Variants in BICC1 observed in about 807,000 individuals in gnomAD.
BICC1 encodes the protein BicC family RNA binding protein 1, also known as protein bicaudal C homolog 1.
BICC1 carries 43 observed loss-of-function variants against 111.0 expected under a neutral mutation model. That is an observed-to-expected ratio of 0.39 (90% confidence interval 0.30 to 0.50). The LOEUF (loss-of-function observed/expected upper bound fraction) is 0.50. Ranked by LOEUF, BICC1 falls within the 20% of genes least tolerant of loss-of-function variation. The probability of loss-of-function intolerance (pLI) is 0.88; values close to 1 mark genes in which losing one functional copy is unlikely to be tolerated. For missense variants in BICC1, 1,091 were observed against 1,203.2 expected (o/e 0.91, Z 1.38); for synonymous variants, 467 against 434.4 (o/e 1.07, Z -0.93).
At chr10:58,787,998 T>A (rs1276696980) in intron 5 of BICC1, among the ~76,000 whole-genome samples, 1 of 152,108 alleles carries the variant, frequency 6.6e-6, no homozygotes, top group Non-Finnish European at 1.5e-5. Context: ...CAGAACCTAG[T>A]GTAGCTCTGT....
chr10:58,762,051 G>A (rs1476310918), intron 3 of BICC1, among the ~76,000 whole-genome samples: 3 of 151,966 alleles, frequency 2.0e-5, no homozygotes, highest in Admixed American at 6.6e-5. Flanking sequence ...ACTTTGCACC[G>A]CCCTCGCTCT....
intron 1 of BICC1, among the ~76,000 whole-genome samples, chr10:58,577,069 T>C (rs1844134025): frequency 6.6e-6 from 1 of 152,152 alleles, no homozygotes; most frequent in Non-Finnish European, 1.5e-5. Context: ...AAAGCAACTT[T>C]GATCAGATGA....
At position 58,799,124 on chromosome 10, in the gene BICC1, T is replaced by C; in HGVS notation, c.1597T>C (p.Ser533Pro). 6 of 1,613,994 alleles carry C rather than the reference T, an allele frequency of 3.7e-6. No individual in the cohort carries two copies. The highest frequency in any genetic ancestry group is 5.1e-6 in the Non-Finnish European group (6 of 1,179,908). The change falls in exon 12 of 21, where the codon TCT becomes CCT. Residue 533 changes from serine to proline, a missense_variant. Physicochemically the swap from Ser to Pro is moderately conservative, Grantham distance 74. Transcript: ENST00000373886. Reference sequence around the variant, plus strand: ...AGCCACATTAACTAATATTTTGTTGTCTGGAGTGCCCACCTATGGGCACAC... The same window carrying C: ...AGCCACATTAACTAATATTTTGTTGCCTGGAGTGCCCACCTATGGGCACAC... ...AQATLTNILL[S>P]GVPTYGHTAP...
intron 2 of BICC1, among the ~76,000 whole-genome samples, chr10:58,667,119 T>A (rs1839038434): frequency 6.6e-6 from 1 of 152,122 alleles, no homozygotes; most frequent in African/African-American, 2.4e-5. Context: ...AAACTAGGAT[T>A]TCATTTTATT....
chr10:58,623,716 T>G (rs1482291009), intron 2 of BICC1, among the ~76,000 whole-genome samples: 3 of 152,172 alleles, frequency 2.0e-5, no homozygotes, highest in African/African-American at 7.2e-5. Context: ...TGTTGAAGCT[T>G]GGTCACAACC....
intron 20 of BICC1, chr10:58,823,432 T>C (rs1320215617): frequency 1.0e-6 from 1 of 983,854 alleles, no homozygotes; most frequent in Non-Finnish European, 1.2e-6. Flanking sequence ...ATAACCTCTC[T>C]GGAAGATTTA....
chr10:58,768,894 C>T (rs578229687), intron 3 of BICC1, among the ~76,000 whole-genome samples: 3 of 151,924 alleles, frequency 2.0e-5, no homozygotes, highest in Non-Finnish European at 4.4e-5. Context: ...AACAAAACAA[C>T]TGCAAAACAA....
rs1243800566 is a variant in BICC1, at chr10:58,806,897, C to CTT, written c.2222-107_2222-106insTT. On this transcript the variant is annotated intron_variant, in intron 16 of 20. Transcript: ENST00000373886. The stretch of plus-strand genomic sequence containing the variant: ...ACATTTTGTGTTAAGAAATAACATT[C>CTT]AGTGATAATTTCTTCACATATATCA... The CTT allele has an allele frequency of 8.2e-6, 8 of 970,296 alleles. No individual in the cohort carries two copies. In the African/African-American group the frequency reaches 1.2e-4, roughly 14 times the overall value. 60.1% of individuals were successfully genotyped at this position (970,296 alleles called of 1,614,324 possible).
intron 1 of BICC1, among the ~76,000 whole-genome samples, chr10:58,560,179 A>G (rs1303172047): frequency 6.6e-6 from 1 of 151,950 alleles, no homozygotes; most frequent in Non-Finnish European, 1.5e-5. Context: ...ATTTAGCAGG[A>G]AAGTCATCCA....
intron 3 of BICC1, among the ~76,000 whole-genome samples, chr10:58,753,084 G>T (rs961344256): frequency 2.0e-5 from 3 of 152,146 alleles, no homozygotes; most frequent in African/African-American, 7.2e-5. Context: ...TATTTACACT[G>T]CCTCTGCTGG....
At chr10:58,644,180 C>A (rs1838200673) in intron 2 of BICC1, among the ~76,000 whole-genome samples, 1 of 152,126 alleles carries the variant, frequency 6.6e-6, no homozygotes, top group Non-Finnish European at 1.5e-5. Flanking sequence ...CAACACATAG[C>A]TACTCTTTCC....
chr10:58,634,883 A>C (rs756929059), intron 2 of BICC1, among the ~76,000 whole-genome samples: 16 of 152,334 alleles, frequency 1.1e-4, no homozygotes, highest in Non-Finnish European at 2.2e-4. Flanking sequence ...ATCGTAAGGA[A>C]GAGAAAATAC....
At chr10:58,690,452 A>G (rs934484675) in intron 2 of BICC1, among the ~76,000 whole-genome samples, 1 of 152,228 alleles carries the variant, frequency 6.6e-6, no homozygotes, top group Non-Finnish European at 1.5e-5. Context: ...GACTGTGTGA[A>G]GCCTGTGTGG....
intron 1 of BICC1, among the ~76,000 whole-genome samples, chr10:58,609,505 C>T (rs1845343840): frequency 6.6e-6 from 1 of 152,100 alleles, no homozygotes; most frequent in Non-Finnish European, 1.5e-5. Context: ...TGTTTTATTG[C>T]CACATTAAGA....
At chr10:58,536,527 T>G (rs973801352) in intron 1 of BICC1, among the ~76,000 whole-genome samples, 3 of 151,608 alleles carry the variant, frequency 2.0e-5, no homozygotes, top group Admixed American at 2.0e-4. Flanking sequence ...TTGATAACAA[T>G]GACACAAGTT....
In BICC1 at chr10:58,786,919, A is replaced by T. The variant is rs754411359; in HGVS notation, c.388-4A>T. The T allele has an allele frequency of 1.9e-6, 3 of 1,569,338 alleles. No individual in the cohort carries two copies. In the Admixed American group the frequency reaches 6.0e-5, roughly 31 times the overall value. ...TCAAGTAATAATACATTATTTTCACATAGAGCAATCGAGTCACACTGAAGA... is the reference window on the plus strand; with the variant it reads ...TCAAGTAATAATACATTATTTTCACTTAGAGCAATCGAGTCACACTGAAGA... On this transcript the variant is annotated splice_polypyrimidine_tract_variant and splice_region_variant and intron_variant, in intron 4 of 20. Transcript: ENST00000373886.
chr10:58,806,669 C>A, intron 16 of BICC1, 46 bp downstream of exon 16: 1 of 1,478,414 alleles, frequency 6.8e-7, no homozygotes, highest in Non-Finnish European at 9.4e-7. Context: ...TTTTAGTACA[C>A]TCATAAATGT....
chr10:58,513,421 T>A, intron 1 of BICC1, 88 bp downstream of exon 1: 1 of 1,294,192 alleles, frequency 7.7e-7, no homozygotes. Flanking sequence ...CGCCCGCTAC[T>A]CCAGCCTACG....
intron 1 of BICC1, among the ~76,000 whole-genome samples, chr10:58,618,931 T>G (rs1845708160): frequency 6.6e-6 from 1 of 152,198 alleles, no homozygotes; most frequent in Non-Finnish European, 1.5e-5. Context: ...AGAGGCCACC[T>G]ACATTCCTTG....
Sources: allele counts gnomAD v4.1 joint callset (sites outside exome capture counted in the v4.1 genomes callset), GRCh38; gene constraint gnomAD v4.1.1; transcripts MANE v1.5; gene names NCBI Gene and HGNC (gene_info 2026-07-23, HGNC 2026-07-21).